The following SRP14 variants were observed in gnomAD, a reference collection of about 807,000 sequenced individuals.
SRP14 encodes signal recognition particle 14 kDa protein.
A neutral mutation model predicts 16.0 loss-of-function variants in SRP14; 1 was observed. The ratio of observed to expected loss-of-function variants is 0.06; its 90% CI spans 0.02 to 0.30. SRP14 has a LOEUF of 0.30. SRP14 is among the 10% of genes least tolerant of loss of function. The pLI, the probability that SRP14 is intolerant of heterozygous loss-of-function variation, is 1.00. For missense variants in SRP14, 120 were observed against 163.1 expected (o/e 0.74, Z 1.44); for synonymous variants, 67 against 60.1 (o/e 1.12, Z -0.53).
At chr15:40,038,555 G>T (rs146399437) in intron 2 of SRP14, 161 bp from the exon 3 acceptor site, 20 of 620,256 alleles carry the variant, frequency 3.2e-5, no homozygotes, top group African/African-American at 3.1e-4. Flanking sequence ...GCGAAACCCT[G>T]GAGAAACTAT....
Position 40,036,172 on chromosome 15 carries a change from T to A in SRP14, c.*161A>T. 1 of 1,297,252 alleles carries A rather than the reference T, an allele frequency of 7.7e-7. No individual in the cohort carries two copies. Among genetic ancestry groups the A allele is most frequent in the East Asian group, 2.3e-5 (1 of 43,014 alleles). The allele number at this position is 1,297,252 out of a possible 1,614,324, so 80.4% of individuals were successfully genotyped here. Reference sequence around the variant, plus strand: ...CCAAATGCAAAATAAACTAGATTCTTACCACAACTATCCTATAAACACTGC... The same window carrying A: ...CCAAATGCAAAATAAACTAGATTCTAACCACAACTATCCTATAAACACTGC... On this transcript the variant is annotated 3_prime_UTR_variant, in exon 5 of 5. Transcript: ENST00000267884.
intron 4 of SRP14, 166 bp downstream of exon 4, chr15:40,036,820 G>A: frequency 4.0e-6 from 3 of 759,378 alleles, no homozygotes; most frequent in Admixed American, 5.1e-5. Context: ...TAGAAAGGAA[G>A]ACGGTATTAG....
intron 1 of SRP14, 60 bp downstream of exon 1, chr15:40,039,033 A>T: frequency 6.2e-7 from 1 of 1,605,146 alleles, no homozygotes; most frequent in Admixed American, 1.7e-5. Context: ...TGCAGGAGGC[A>T]CAGGTCTCGA....
At chr15:40,037,201 G>A (rs2140956153) in intron 3 of SRP14, 183 bp from the exon 4 acceptor site, 1 of 1,211,614 alleles carries the variant, frequency 8.3e-7, no homozygotes, top group African/African-American at 1.6e-5. Flanking sequence ...TCTGCCTAGA[G>A]AACAAGAAAA....
intron 2 of SRP14, 129 bp from the exon 3 acceptor site, chr15:40,038,523 C>A (rs887014002): frequency 9.0e-6 from 6 of 669,066 alleles, no homozygotes; most frequent in South Asian, 6.7e-5. Flanking sequence ...TTGTTAAACA[C>A]CTCATCTGCT....
intron 3 of SRP14, chr15:40,037,278 GGAAA>G: frequency 5.2e-6 from 1 of 193,392 alleles, no homozygotes; most frequent in Admixed American, 4.6e-4. Context: ...CTCCTTTTGG[GGAAA>G]AAAAAAAAAA....
intron 4 of SRP14, 76 bp from the exon 5 acceptor site, chr15:40,036,576 G>A: frequency 6.9e-7 from 1 of 1,457,462 alleles, no homozygotes; most frequent in Non-Finnish European, 9.4e-7. Flanking sequence ...CTGCATAATG[G>A]ATTTAGGGTA....
chr15:40,037,399 T>G (rs1022074402), intron 3 of SRP14: 1 of 1,179,702 alleles, frequency 8.5e-7, no homozygotes, highest in South Asian at 1.5e-5. Context: ...TTTTTATACA[T>G]TAATAGAAGA....
chr15:40,037,054 T>C (rs757983953), intron 3 of SRP14, 36 bp from the exon 4 acceptor site: 2 of 1,608,934 alleles, frequency 1.2e-6, no homozygotes, highest in African/African-American at 2.7e-5. Context: ...ATACCTATTA[T>C]CCATATAAGC....
chr15:40,037,749 C>G (rs928769706), intron 3 of SRP14, among the ~76,000 whole-genome samples: 4 of 152,208 alleles, frequency 2.6e-5, no homozygotes, highest in Non-Finnish European at 5.9e-5. Flanking sequence ...CAGTCAGTAT[C>G]CTACACTAAT....
intron 4 of SRP14, 82 bp from the exon 5 acceptor site, chr15:40,036,582 G>C (rs2140955606): frequency 7.1e-7 from 1 of 1,405,730 alleles, no homozygotes; most frequent in Non-Finnish European, 9.8e-7. Context: ...AATGGATTTA[G>C]GGTAGCCAAA....
Position 40,036,056 on chromosome 15 carries a change from TTTA to T in SRP14, c.*274_*276del. 2.1e-6 allele frequency: 1 copy of T among 482,038 alleles called. No homozygotes were observed. The highest frequency in any genetic ancestry group is 3.8e-5 in the South Asian group (1 of 26,484). The allele number at this position is 482,038 out of a possible 1,614,324, so 29.9% of individuals were successfully genotyped here. A position where few individuals can be genotyped will look rare whatever the true frequency, so the allele number is the denominator to read the frequency against. Reference sequence around the variant, plus strand: ...GAGACAGTGCTGATAAACAGACATGTTTAATGATAGCTTGCTCTTCACAGAGAT... The same window carrying T: ...GAGACAGTGCTGATAAACAGACATGTATGATAGCTTGCTCTTCACAGAGAT... On this transcript the variant is annotated 3_prime_UTR_variant, in exon 5 of 5. Transcript: ENST00000267884.
intron 1 of SRP14, 48 bp from the exon 2 acceptor site, chr15:40,038,996 C>T: frequency 6.2e-7 from 1 of 1,605,072 alleles, no homozygotes; most frequent in Non-Finnish European, 8.5e-7. Context: ...AAATCCTCGT[C>T]CTGCCGCGTC....
At chr15:40,038,789 G>C (rs1016694417) in intron 2 of SRP14, 87 bp downstream of exon 2, 4 of 1,430,010 alleles carry the variant, frequency 2.8e-6, no homozygotes, top group African/African-American at 1.4e-5. Flanking sequence ...GGTAGAGGAA[G>C]GCGGCGGTCC....
chr15:40,038,149 A>G, intron 3 of SRP14, 133 bp downstream of exon 3: 1 of 688,296 alleles, frequency 1.5e-6, no homozygotes, highest in Non-Finnish European at 2.5e-6. Context: ...AAAGTATAGG[A>G]AGGTCCTGGT....
At chr15:40,038,429 G>A in intron 2 of SRP14, 35 bp from the exon 3 acceptor site, 5 of 1,393,162 alleles carry the variant, frequency 3.6e-6, no homozygotes, top group Middle Eastern at 1.8e-4. Context: ...GAACACGGCC[G>A]CGTACGTGGC....
At chr15:40,036,858 T>G (rs755242135) in intron 4 of SRP14, 128 bp downstream of exon 4, 1 of 1,091,140 alleles carries the variant, frequency 9.2e-7, no homozygotes, top group South Asian at 1.3e-5. Context: ...TGGCAGCTTT[T>G]ACTTGAAACA....
chr15:40,037,279 G>GTAAAAAAAAAA, intron 3 of SRP14: 5 of 740,786 alleles, frequency 6.7e-6, no homozygotes, highest in Admixed American at 2.0e-4. Context: ...TCCTTTTGGG[G>GTAAAAAAAAAA]AAAAAAAAAA....
chr15:40,036,549 C>G lies in SRP14; in HGVS notation c.244-49G>C, dbSNP rs7180081. 7.5e-4 allele frequency: 1,180 copies of G among 1,573,940 alleles called. 15 individuals are homozygous for G. In the African/African-American group the frequency reaches 0.013, roughly 18 times the overall value. On this transcript the variant is annotated intron_variant, in intron 4 of 4. Coordinates refer to ENST00000267884, the MANE Select transcript of SRP14 (RefSeq NM_003134.6). ...CTTAGTGGGAAGATGTGCAAACTGG[C>G]AGAACACCAGCCCTATCTGCATAAT... is the stretch of plus-strand genomic sequence containing the variant.
Sources: gnomAD v4.1 joint callset for allele counts (sites outside exome capture counted in the v4.1 genomes callset) on GRCh38, gnomAD v4.1.1 for gene constraint, MANE v1.5 for transcripts, NCBI Gene and HGNC (gene_info 2026-07-23, HGNC 2026-07-21) for gene names.